The following VAMP3 variants were observed in gnomAD, a reference collection of about 807,000 sequenced individuals.
The protein encoded by VAMP3 is vesicle-associated membrane protein 3.
A neutral mutation model predicts 18.1 loss-of-function variants in VAMP3; 11 were observed. The observed-to-expected ratio is 0.61, with a 90% CI of 0.38 to 1.00. The LOEUF is 1.00. VAMP3 is among the 50% of genes least tolerant of loss of function. The pLI is 0.01. For synonymous variants in VAMP3, 49 were observed against 43.1 expected (o/e 1.14, Z -0.53); for missense variants, 122 against 127.3 (o/e 0.96, Z 0.20).
chr1:7,779,620 T>G lies in VAMP3; in HGVS notation c.284-6T>G. The G allele has an allele frequency of 6.2e-7, 1 of 1,614,146 alleles. No individual in the cohort carries two copies. Among genetic ancestry groups the G allele is most frequent in the Non-Finnish European group, 8.5e-7 (1 of 1,180,022 alleles). On this transcript the variant is annotated splice_region_variant and splice_polypyrimidine_tract_variant and intron_variant, in intron 4 of 4. Coordinates refer to ENST00000054666, the MANE Select transcript of VAMP3 (RefSeq NM_004781.4). ...CCTGCCTTTTTGCATCTCTCCTCCT[T>G]CTTAGTGTGGGTTGTCTCTTCATGA...
intron 2 of VAMP3, among the ~76,000 whole-genome samples, chr1:7,773,833 A>G (rs916375481): frequency 1.6e-4 from 24 of 152,208 alleles, no homozygotes; most frequent in African/African-American, 5.5e-4. Context: ...CGGATAATAC[A>G]ATGTTAAGGA....
At chr1:7,776,706 T>C (rs2097054422) in intron 2 of VAMP3, 1 of 152,644 alleles carries the variant, frequency 6.6e-6, no homozygotes, top group African/African-American at 2.4e-5. Context: ...GTTTTGATCA[T>C]GAAAGAGTGA....
At chr1:7,779,492 G>A in intron 4 of VAMP3, 134 bp from the exon 5 acceptor site, 5 of 1,245,600 alleles carry the variant, frequency 4.0e-6, no homozygotes, top group Non-Finnish European at 4.6e-6. Context: ...ATGGAGAGAA[G>A]CCAGTAGTAG....
chr1:7,779,665 A>ACT lies in VAMP3; in HGVS notation c.*21_*22dup. The ACT allele has an allele frequency of 6.2e-7, 1 of 1,614,148 alleles. No homozygotes were observed. Among genetic ancestry groups the ACT allele is most frequent in the Non-Finnish European group, 8.5e-7 (1 of 1,180,016 alleles). On this transcript the variant is annotated 3_prime_UTR_variant, in exon 5 of 5. Transcript: ENST00000054666. ...TCATGAAGAACCAGCGGAACTCAAAACTGCTGTTCAAGAAACCTCTTCAAG... is the reference window on the plus strand; with the variant it reads ...TCATGAAGAACCAGCGGAACTCAAAACTCTGCTGTTCAAGAAACCTCTTCAAG...
Position 7,778,267 on chromosome 1 carries a change from G to A in VAMP3, c.283+98G>A, listed in dbSNP as rs995067567. 1.7e-5 allele frequency: 26 copies of A among 1,497,336 alleles called. No individual in the cohort carries two copies. The African/African-American group carries it at 2.2e-4, about 13-fold the overall frequency. 92.8% of individuals were successfully genotyped at this position (1,497,336 alleles called of 1,614,324 possible). The stretch of plus-strand genomic sequence containing the variant: ...AGAACTCAGATTAAAATTTCCCTCC[G>A]AAATGTTAGTTTTGGCTAGGTGCGG... On this transcript the variant is annotated intron_variant, in intron 4 of 4. Coordinates refer to ENST00000054666, the MANE Select transcript of VAMP3 (RefSeq NM_004781.4).
chr1:7,778,168 C>T lies in VAMP3; in HGVS notation c.282C>T (p.Ile94=), dbSNP rs140568149. 4.0e-4 allele frequency: 645 copies of T among 1,614,102 alleles called. 9 individuals carry two copies. The South Asian group carries it at 6.7e-3, about 17-fold the overall frequency. Residue 94 remains isoleucine, a splice_region_variant and synonymous_variant, in exon 4 of 5, where the codon ATC becomes ATT. Transcript: ENST00000054666. ...TGGTTATCTTCATCATCATCATCAT[C>T]GGTGAGTTACCCTTTTCTAAACTGA... The part of the protein sequence containing the change: ...TVLVIFIIII[I]VWVVSS
chr1:7,779,510 G>A (rs928292109), intron 4 of VAMP3, 116 bp from the exon 5 acceptor site: 81 of 1,442,634 alleles, frequency 5.6e-5, no homozygotes, highest in African/African-American at 1.8e-4. Context: ...TAGGAAATCA[G>A]CCCAGTCTAA....
At chr1:7,773,562 C>T (rs1240907656) in intron 2 of VAMP3, 51 bp downstream of exon 2, 1 of 1,498,276 alleles carries the variant, frequency 6.7e-7, no homozygotes, top group Non-Finnish European at 9.2e-7. Flanking sequence ...TATGAGTACT[C>T]TGGAAATCTG....
intron 1 of VAMP3, among the ~76,000 whole-genome samples, chr1:7,771,786 G>A (rs2097051136): frequency 6.6e-6 from 1 of 152,254 alleles, no homozygotes; most frequent in Non-Finnish European, 1.5e-5. Context: ...AAAGGACCTC[G>A]GCCCTGTCCT....
At chr1:7,777,392 A>C in intron 3 of VAMP3, 74 bp downstream of exon 3, 5 of 1,469,390 alleles carry the variant, frequency 3.4e-6, no homozygotes, top group East Asian at 2.6e-5. Flanking sequence ...GCTACAGATA[A>C]TGGACTTTCA....
At chr1:7,776,968 G>C (rs538436034) in intron 2 of VAMP3, 192 bp from the exon 3 acceptor site, 2 of 445,512 alleles carry the variant, frequency 4.5e-6, no homozygotes, top group Non-Finnish European at 7.6e-6. Context: ...CACCCCTCCC[G>C]GCTGATTTTC....
At chr1:7,777,347 T>G in intron 3 of VAMP3, 29 bp downstream of exon 3, 3 of 1,592,444 alleles carry the variant, frequency 1.9e-6, no homozygotes, top group Non-Finnish European at 2.6e-6. Context: ...ACCTTTACAT[T>G]TAACCCCCCT....
chr1:7,772,932 A>T (rs1195952823), intron 1 of VAMP3: 1 of 152,534 alleles, frequency 6.6e-6, no homozygotes, highest in Non-Finnish European at 1.5e-5. Context: ...CTAAAAGAGG[A>T]GGCATTTCTT....
At chr1:7,771,565 C>T (rs1436748230) in intron 1 of VAMP3, among the ~76,000 whole-genome samples, 180 bp downstream of exon 1, 1 of 152,018 alleles carries the variant, frequency 6.6e-6, no homozygotes, top group Non-Finnish European at 1.5e-5. Context: ...ACGGGCCGGG[C>T]GGGTCCCGCG....
intron 2 of VAMP3, chr1:7,776,438 T>G (rs1367575266): frequency 5.9e-5 from 9 of 152,252 alleles, no homozygotes; most frequent in African/African-American, 1.9e-4. Context: ...ATTTTTTATA[T>G]AGAGAGAATC....
chr1:7,779,789 CTT>C lies in VAMP3; in HGVS notation c.*146_*147del. The C allele has an allele frequency of 1.7e-6, 2 of 1,158,892 alleles. No homozygotes were observed. The highest frequency in any genetic ancestry group is 2.5e-6 in the Non-Finnish European group (2 of 815,032). The allele number at this position is 1,158,892 out of a possible 1,614,324, so 71.8% of individuals were successfully genotyped here. A position where few individuals can be genotyped will look rare whatever the true frequency, so the allele number is the denominator to read the frequency against. On this transcript the variant is annotated 3_prime_UTR_variant, in exon 5 of 5. Transcript: ENST00000054666. ...AAAGTTGAATTTCTAGGAAACGTGC[CTT>C]TGTTTTTTAATATGCACTCCAAATT...
intron 1 of VAMP3, 181 bp from the exon 2 acceptor site, chr1:7,773,261 G>A: frequency 1.7e-6 from 1 of 585,210 alleles, no homozygotes; most frequent in Admixed American, 3.4e-5. Context: ...GGAAATTATA[G>A]AGAAATTAGA....
chr1:7,775,338 A>AT (rs899012008), intron 2 of VAMP3, among the ~76,000 whole-genome samples: 3 of 150,008 alleles, frequency 2.0e-5, no homozygotes, highest in Non-Finnish European at 3.0e-5. Context: ...CATTTTTTTT[A>AT]TTTTTTTTAT....
intron 4 of VAMP3, 127 bp downstream of exon 4, chr1:7,778,296 C>T (rs1359557061): frequency 2.7e-6 from 3 of 1,129,186 alleles, no homozygotes; most frequent in Non-Finnish European, 4.0e-6. Context: ...GGTGCGGTGA[C>T]TCATGCCTGT....
Sources: gnomAD v4.1 joint callset for allele counts (sites outside exome capture counted in the v4.1 genomes callset) on GRCh38, gnomAD v4.1.1 for gene constraint, MANE v1.5 for transcripts, NCBI Gene and HGNC (gene_info 2026-07-23, HGNC 2026-07-21) for gene names.